The following UBR3 variants were observed in gnomAD, a reference collection of about 807,000 sequenced individuals.
The protein encoded by UBR3 is ubiquitin protein ligase E3 component n-recognin 3.
A neutral mutation model predicts 243.2 loss-of-function variants in UBR3; 85 were observed. The ratio of observed to expected loss-of-function variants is 0.35; its 90% CI spans 0.29 to 0.42. The LOEUF (loss-of-function observed/expected upper bound fraction) is 0.42. Among genes scored for constraint, UBR3 ranks in the 10% least tolerant of loss-of-function variants. The pLI, the probability that UBR3 is intolerant of heterozygous loss-of-function variation, is 1.00. For missense variants in UBR3, 1,686 were observed against 2,300.8 expected, an observed-to-expected ratio of 0.73 and a Z score of 5.47; for synonymous variants, 748 against 799.8, an observed-to-expected ratio of 0.94 and a Z score of 1.09.
intron 24 of UBR3, chr2:169,965,058 C>G: frequency 2.3e-6 from 1 of 438,384 alleles, no homozygotes; most frequent in Non-Finnish European, 4.6e-6. Flanking sequence ...TCTGTATTCC[C>G]TTTATTTATA....
At chr2:170,054,644 A>G (rs898447091) in intron 32 of UBR3, among the ~76,000 whole-genome samples, 7 of 152,164 alleles carry the variant, frequency 4.6e-5, no homozygotes, top group African/African-American at 7.2e-5. Context: ...GCTTATTGCT[A>G]TAGTTTTCAT....
At chr2:169,882,285 ATATATTG>A (rs1029312672) in intron 5 of UBR3, among the ~76,000 whole-genome samples, 74 of 137,588 alleles carry the variant, frequency 5.4e-4, no homozygotes, top group Non-Finnish European at 2.3e-4. Context: ...TCATATATTT[ATATATTG>A]TATATTTATG....
chr2:169,956,169 C>T (rs2087279036), intron 23 of UBR3, among the ~76,000 whole-genome samples: 1 of 151,700 alleles, frequency 6.6e-6, no homozygotes. Flanking sequence ...CTCTGTAACT[C>T]TCTACTTCTG....
chr2:170,077,628 C>G (rs1183659007), intron 36 of UBR3: 2 of 458,042 alleles, frequency 4.4e-6, no homozygotes, highest in South Asian at 4.9e-5. Context: ...CTCTGTTGCC[C>G]AGGCTTGAGT....
chr2:169,855,192 T>A (rs1395407639), intron 1 of UBR3, among the ~76,000 whole-genome samples: 1 of 152,176 alleles, frequency 6.6e-6, no homozygotes, highest in Admixed American at 6.5e-5. Context: ...AATTAAGAGA[T>A]CCTGCTCTAA....
intron 24 of UBR3, 70 bp downstream of exon 24, chr2:169,958,596 CTT>C (rs1559133957): frequency 1.5e-6 from 2 of 1,353,320 alleles, no homozygotes; most frequent in Non-Finnish European, 2.1e-6. Flanking sequence ...GTAGTCCAGT[CTT>C]TTACTAATTT....
intron 31 of UBR3, among the ~76,000 whole-genome samples, chr2:170,031,226 C>G (rs748861763): frequency 6.6e-6 from 1 of 152,050 alleles, no homozygotes; most frequent in African/African-American, 2.4e-5. Flanking sequence ...ATTACCGGTG[C>G]GCACCACTGC....
intron 24 of UBR3, among the ~76,000 whole-genome samples, chr2:169,982,022 G>A (rs781059201): frequency 5.9e-5 from 9 of 152,260 alleles, no homozygotes; most frequent in South Asian, 2.1e-4. Flanking sequence ...CTCTGGTAGT[G>A]TACTTAGTTT....
chr2:169,880,976 A>G (rs1017004066), intron 5 of UBR3, among the ~76,000 whole-genome samples: 6 of 152,026 alleles, frequency 3.9e-5, no homozygotes. Context: ...GTTTTATGTA[A>G]CCATTTGTTC....
chr2:169,979,711 C>T (rs2088632012), intron 24 of UBR3, among the ~76,000 whole-genome samples: 1 of 152,066 alleles, frequency 6.6e-6, no homozygotes, highest in African/African-American at 2.4e-5. Context: ...AAACTAGAGA[C>T]AGTAAATAGA....
chr2:169,837,416 C>T (rs1428103371), intron 1 of UBR3, among the ~76,000 whole-genome samples: 1 of 152,176 alleles, frequency 6.6e-6, no homozygotes, highest in African/African-American at 2.4e-5. Flanking sequence ...GCAGAGGTTG[C>T]GGTGAGCCGC....
chr2:170,062,723 C>A (rs1338679714), intron 35 of UBR3, among the ~76,000 whole-genome samples: 2 of 152,242 alleles, frequency 1.3e-5, no homozygotes, highest in African/African-American at 4.8e-5. Flanking sequence ...GTTCTTGTTA[C>A]CTTATGGCTT....
intron 1 of UBR3, among the ~76,000 whole-genome samples, chr2:169,832,925 C>A (rs2081983892): frequency 1.3e-5 from 2 of 151,068 alleles, no homozygotes; most frequent in African/African-American, 4.9e-5. Context: ...AAGAGTGAAA[C>A]TCCATCTGGA....
intron 6 of UBR3, among the ~76,000 whole-genome samples, chr2:169,891,611 G>C (rs375829314): frequency 0.016 from 1,308 of 82,282 alleles, 9 homozygotes; most frequent in Admixed American, 0.028. Flanking sequence ...GAGAGAGACA[G>C]AGACACACAC....
chr2:169,958,394 T>G, intron 23 of UBR3, 44 bp from the exon 24 acceptor site: 1 of 1,576,356 alleles, frequency 6.3e-7, no homozygotes, highest in Non-Finnish European at 8.7e-7. Flanking sequence ...TAGCTAGGTC[T>G]TAAGCGCATC....
intron 29 of UBR3, among the ~76,000 whole-genome samples, chr2:170,010,345 A>G (rs1345210607): frequency 1.3e-5 from 2 of 152,090 alleles, no homozygotes; most frequent in Non-Finnish European, 2.9e-5. Flanking sequence ...TCTGTTATAC[A>G]TATTTATACA....
At chr2:169,837,332 C>T (rs1029319755) in intron 1 of UBR3, among the ~76,000 whole-genome samples, 7 of 152,098 alleles carry the variant, frequency 4.6e-5, no homozygotes, top group African/African-American at 1.4e-4. Context: ...CAAAATTAGC[C>T]GGGTGTGGTG....
At chr2:169,999,779 C>T (rs1309070259) in intron 26 of UBR3, among the ~76,000 whole-genome samples, 2 of 151,920 alleles carry the variant, frequency 1.3e-5, no homozygotes, top group Non-Finnish European at 2.9e-5. Context: ...GCAATGAAAG[C>T]GAAGTTGAAG....
intron 7 of UBR3, 35 bp downstream of exon 7, chr2:169,895,346 C>A: frequency 6.6e-7 from 1 of 1,511,060 alleles, no homozygotes; most frequent in Non-Finnish European, 8.8e-7. Context: ...CTGAACTTAG[C>A]TTTTCTTTCT....
Sources: allele counts gnomAD v4.1 joint callset (sites outside exome capture counted in the v4.1 genomes callset), GRCh38; gene constraint gnomAD v4.1.1; transcripts MANE v1.5; gene names NCBI Gene and HGNC (gene_info 2026-07-23, HGNC 2026-07-21).